Variants in ANKRD44 observed in about 807,000 individuals in gnomAD.
ANKRD44 encodes the protein ankyrin repeat domain 44.
Under a neutral mutation model 116.0 loss-of-function variants are expected in ANKRD44, and 35 were observed. The ratio of observed to expected loss-of-function variants is 0.30; its 90% CI spans 0.23 to 0.40. The LOEUF (loss-of-function observed/expected upper bound fraction) is 0.40. Ranked by LOEUF, ANKRD44 falls within the 10% of genes least tolerant of loss-of-function variation. ANKRD44 has a pLI of 1.00. For missense variants in ANKRD44, 1,014 were observed against 1,242.6 expected (o/e 0.82, Z 2.77); for synonymous variants, 435 against 461.8 (o/e 0.94, Z 0.74).
At position 196,988,624 on chromosome 2, in the gene ANKRD44, T is replaced by C. The variant is rs1352579892; in HGVS notation, c.*967A>G. On this transcript the variant is annotated 3_prime_UTR_variant, in exon 28 of 28. Coordinates refer to ENST00000282272, the MANE Select transcript of ANKRD44 (RefSeq NM_001195144.2). The stretch of plus-strand genomic sequence containing the variant: ...TTATCTGTCTTTGATCCAGATATGA[T>C]AGAACATTATTTTTGAAATATCTCA... The C allele has an allele frequency of 6.1e-6, 6 of 984,834 alleles. No individual in the cohort carries two copies. The African/African-American group carries it at 8.7e-5, about 14-fold the overall frequency. The allele number at this position is 984,834 out of a possible 1,614,324, so 61.0% of individuals were successfully genotyped here. A position where few individuals can be genotyped will look rare whatever the true frequency, so the allele number is the denominator to read the frequency against.
chr2:196,993,490 G>A, intron 27 of ANKRD44, 93 bp downstream of exon 27: 1 of 986,132 alleles, frequency 1.0e-6, no homozygotes. Flanking sequence ...ATTCTTAAGT[G>A]CCTTTTATAC....
At chr2:197,211,987 C>T (rs1574283154) in intron 1 of ANKRD44, among the ~76,000 whole-genome samples, 1 of 151,970 alleles carries the variant, frequency 6.6e-6, no homozygotes, top group African/African-American at 2.4e-5. Context: ...TAGTAATCAA[C>T]AGTAAGCTCA....
intron 10 of ANKRD44, among the ~76,000 whole-genome samples, chr2:197,093,319 A>G (rs2078087773): frequency 6.6e-6 from 1 of 152,194 alleles, no homozygotes; most frequent in African/African-American, 2.4e-5. Flanking sequence ...ACAATATGAT[A>G]TATTCCATAA....
At chr2:197,066,953 CA>C (rs1469151387) in intron 16 of ANKRD44, among the ~76,000 whole-genome samples, 3 of 152,054 alleles carry the variant, frequency 2.0e-5, no homozygotes. Flanking sequence ...CACATGGAAC[CA>C]AAAAAGAGCC....
intron 16 of ANKRD44, among the ~76,000 whole-genome samples, chr2:197,045,371 A>T (rs1199266027): frequency 3.9e-5 from 6 of 152,210 alleles, no homozygotes; most frequent in Non-Finnish European, 8.8e-5. Flanking sequence ...ACCAACCACT[A>T]ACAGTAGAGA....
intron 3 of ANKRD44, among the ~76,000 whole-genome samples, chr2:197,145,166 C>T (rs1243291176): frequency 6.6e-6 from 1 of 152,134 alleles, no homozygotes; most frequent in Non-Finnish European, 1.5e-5. Context: ...TGGCACGCGC[C>T]TGTGGTCCCA....
chr2:196,973,383 C>A (rs191708378), intron 21 of ANKRD44, among the ~76,000 whole-genome samples: 141 of 152,146 alleles, frequency 9.3e-4, no homozygotes, highest in African/African-American at 3.2e-3. Context: ...CCCTTTCTAT[C>A]ATTTGACTTT....
At chr2:197,303,027 C>T (rs1051400065) in intron 1 of ANKRD44, among the ~76,000 whole-genome samples, 2 of 152,200 alleles carry the variant, frequency 1.3e-5, no homozygotes, top group African/African-American at 4.8e-5. Context: ...TCTCAAAGAA[C>T]CACACTGAGA....
At chr2:196,994,940 A>G (rs145928734) in intron 26 of ANKRD44, 1 of 153,086 alleles carries the variant, frequency 6.5e-6, no homozygotes, top group African/African-American at 2.4e-5. Flanking sequence ...ACTGAATTAT[A>G]TTAAAATATA....
intron 16 of ANKRD44, among the ~76,000 whole-genome samples, chr2:197,041,078 T>C (rs1258823392): frequency 1.3e-5 from 2 of 152,210 alleles, no homozygotes; most frequent in Non-Finnish European, 2.9e-5. Context: ...CTCCCCTCAG[T>C]ACTGTTCCAC....
chr2:196,998,876 T>C lies in ANKRD44; in HGVS notation c.2665+31A>G, dbSNP rs117392805. ...CATTATTTTGGTTTTTGCATGGGCA[T>C]AAGGGCAAAGTCCATACAACAAGCA... On this transcript the variant is annotated intron_variant, in intron 24 of 27. Coordinates refer to ENST00000282272, the MANE Select transcript of ANKRD44 (RefSeq NM_001195144.2). 1.5e-3 allele frequency: 2,429 copies of C among 1,608,488 alleles called. 31 individuals are homozygous for C. In the East Asian group the frequency reaches 0.023, roughly 15 times the overall value.
intron 1 of ANKRD44, among the ~76,000 whole-genome samples, chr2:197,197,318 CA>C (rs1025002898): frequency 6.7e-6 from 1 of 149,980 alleles, no homozygotes; most frequent in African/African-American, 2.4e-5. Flanking sequence ...GGAAATTCTG[CA>C]AAAAAAAAGA....
chr2:197,293,127 G>A (rs2083618031), intron 1 of ANKRD44, among the ~76,000 whole-genome samples: 2 of 152,022 alleles, frequency 1.3e-5, no homozygotes, highest in African/African-American at 2.4e-5. Flanking sequence ...ATCACTTCCT[G>A]TCCTTCCTCT....
intron 14 of ANKRD44, 109 bp downstream of exon 14, chr2:197,083,260 G>T (rs1045226368): frequency 7.3e-7 from 1 of 1,377,186 alleles, no homozygotes; most frequent in African/African-American, 1.5e-5. Flanking sequence ...AACTCTTTTG[G>T]GTTAGTCTAA....
chr2:197,089,847 T>TG, intron 11 of ANKRD44, 103 bp downstream of exon 11: 1 of 914,380 alleles, frequency 1.1e-6, no homozygotes, highest in Non-Finnish European at 1.7e-6. Context: ...AGTCAGGTAA[T>TG]GACATGAAGC....
intron 4 of ANKRD44, among the ~76,000 whole-genome samples, chr2:197,129,383 C>A (rs1436588133): frequency 6.6e-6 from 1 of 152,190 alleles, no homozygotes; most frequent in Non-Finnish European, 1.5e-5. Flanking sequence ...GATCCGCCTG[C>A]CTCAGCCTCC....
At chr2:197,119,243 T>C in intron 8 of ANKRD44, among the ~76,000 whole-genome samples, 1 of 152,012 alleles carries the variant, frequency 6.6e-6, no homozygotes, top group East Asian at 1.9e-4. Context: ...TGTGACCGGA[T>C]TACTGTTTTT....
chr2:197,298,178 G>GT (rs1268082902), intron 1 of ANKRD44, among the ~76,000 whole-genome samples: 2 of 152,200 alleles, frequency 1.3e-5, no homozygotes, highest in African/African-American at 4.8e-5. Context: ...TTGAGACCTT[G>GT]TAACTGTTTG....
At chr2:197,223,273 G>A (rs1188417945) in intron 1 of ANKRD44, among the ~76,000 whole-genome samples, 1 of 152,146 alleles carries the variant, frequency 6.6e-6, no homozygotes, top group Non-Finnish European at 1.5e-5. Flanking sequence ...CCACTTCACA[G>A]TAAACCACTA....
Sources: allele counts gnomAD v4.1 joint callset (sites outside exome capture counted in the v4.1 genomes callset), GRCh38; gene constraint gnomAD v4.1.1; transcripts MANE v1.5; gene names NCBI Gene and HGNC (gene_info 2026-07-23, HGNC 2026-07-21).